SAMD4A: variants seen among roughly 807,000 people sequenced by gnomAD.
SAMD4A encodes the protein protein Smaug homolog 1.
Under a neutral mutation model 81.3 loss-of-function variants are expected in SAMD4A, and 33 were observed. The observed-to-expected ratio is 0.41, with a 90% confidence interval of 0.31 to 0.54. The LOEUF (loss-of-function observed/expected upper bound fraction) is 0.54, where lower values mean the gene tolerates loss of function less well. Ranked by LOEUF, SAMD4A falls within the 20% of genes least tolerant of loss-of-function variation. SAMD4A has a pLI of 0.37. For missense variants in SAMD4A, 854 were observed against 951.1 expected (o/e 0.90, Z 1.34); for synonymous variants, 389 against 382.1 (o/e 1.02, Z -0.21).
Position 54,630,806 on chromosome 14 carries a change from T to C in SAMD4A, c.196+62694T>C, listed in dbSNP as rs150452393. ...AGAGAAAAAGAGCCAATAGGATGTG[T>C]GTATGCATATATGTGTATATTTTAT... On this transcript the variant is annotated intron_variant, in intron 2 of 12. Coordinates refer to ENST00000554335, the MANE Select transcript of SAMD4A (RefSeq NM_015589.6). Among the ~76,000 whole-genome samples the C allele has an allele frequency of 8.7e-4, 132 of 152,224 alleles. 1 individual carries two copies. Among genetic ancestry groups the C allele is most frequent in the African/African-American group, 3.0e-3 (123 of 41,540 alleles).
intron 9 of SAMD4A, among the ~76,000 whole-genome samples, chr14:54,771,410 T>C (rs2038702655): frequency 6.6e-6 from 1 of 152,204 alleles, no homozygotes; most frequent in Non-Finnish European, 1.5e-5. Flanking sequence ...TGGCACCAGC[T>C]CCAGCTCCAT....
At chr14:54,671,776 A>C (rs1253368494) in intron 2 of SAMD4A, among the ~76,000 whole-genome samples, 1 of 152,224 alleles carries the variant, frequency 6.6e-6, no homozygotes, top group Non-Finnish European at 1.5e-5. Context: ...AGCTGCCAGC[A>C]GGCATGAAAT....
intron 2 of SAMD4A, among the ~76,000 whole-genome samples, chr14:54,682,402 G>A (rs2036149619): frequency 6.6e-6 from 1 of 152,162 alleles, no homozygotes; most frequent in African/African-American, 2.4e-5. Context: ...GTTGAACACT[G>A]GTACCAATGG....
chr14:54,634,294 G>C (rs1332960505), intron 2 of SAMD4A, among the ~76,000 whole-genome samples: 1 of 107,988 alleles, frequency 9.3e-6, no homozygotes, highest in Admixed American at 1.0e-4. Context: ...TCGGGGGGGT[G>C]GGGGGAGGGG....
Position 54,760,377 on chromosome 14 carries a change from G to A in SAMD4A, c.1393G>A (p.Ala465Thr). 2 of 1,534,386 alleles carry A rather than the reference G, an allele frequency of 1.3e-6. No homozygotes were observed. Among genetic ancestry groups the A allele is most frequent in the South Asian group, 1.2e-5 (1 of 82,332 alleles). The stretch of plus-strand genomic sequence containing the variant: ...CACTGGCGCCACGGCCACCCCCTCG[G>A]CCGGGGCCAGCGGGGGGCTCCAGCC... ...AATGATATPS[A>T]GASGGLQPHQ... Residue 465 changes from alanine to threonine, a missense_variant, in exon 7 of 13, where the codon GCC (alanine) becomes ACC (threonine). By Grantham distance (58) the Ala-to-Thr change is moderately conservative (BLOSUM62 0). Around this residue, in one of 3 missense-constraint regions of SAMD4A, gnomAD observed 428 missense variants for 471.2 expected, o/e 0.91. Transcript: ENST00000554335.
chr14:54,705,417 A>T (rs1253714551), intron 3 of SAMD4A, among the ~76,000 whole-genome samples: 2 of 152,206 alleles, frequency 1.3e-5, no homozygotes, highest in Non-Finnish European at 2.9e-5. Context: ...TGCACTGAAG[A>T]GCTACACTTC....
At chr14:54,594,628 T>C (rs1183413170) in intron 2 of SAMD4A, among the ~76,000 whole-genome samples, 2 of 152,196 alleles carry the variant, frequency 1.3e-5, no homozygotes, top group Non-Finnish European at 2.9e-5. Flanking sequence ...CAAATTTTTA[T>C]TAGTATTCAG....
chr14:54,643,453 G>T (rs1027566120), intron 2 of SAMD4A, among the ~76,000 whole-genome samples: 1 of 152,222 alleles, frequency 6.6e-6, no homozygotes, highest in Non-Finnish European at 1.5e-5. Context: ...GCAAATGTCA[G>T]TCCTTTTATG....
In SAMD4A at chr14:54,715,497, A is replaced by G. The variant is rs560424263; in HGVS notation, c.715+12917A>G. ...TCAGCATTAACTACATACTACGTGAAAAATCTAATACGGTTTTGGTCCCCC... is the reference window on the plus strand; with the variant it reads ...TCAGCATTAACTACATACTACGTGAGAAATCTAATACGGTTTTGGTCCCCC... On this transcript the variant is annotated intron_variant, in intron 3 of 12. Transcript: ENST00000554335. Among the ~76,000 whole-genome samples, 48 of 152,236 alleles carry G rather than the reference A, an allele frequency of 3.2e-4. 1 individual carries two copies. In the South Asian group the frequency reaches 8.9e-3, roughly 28 times the overall value.
At chr14:54,592,287 C>T (rs1483110866) in intron 2 of SAMD4A, among the ~76,000 whole-genome samples, 1 of 152,074 alleles carries the variant, frequency 6.6e-6, no homozygotes, top group Non-Finnish European at 1.5e-5. Context: ...CTGTGGTAAA[C>T]TTGTCTTAGT....
chr14:54,793,314 T>C (rs1005924740), downstream of SAMD4A: 2 of 152,158 alleles, frequency 1.3e-5, no homozygotes, highest in African/African-American at 2.4e-5. Context: ...TTTGTAACAC[T>C]GGTGTGTCTT....
At chr14:54,773,287 G>C (rs1024379994) in intron 9 of SAMD4A, among the ~76,000 whole-genome samples, 3 of 152,182 alleles carry the variant, frequency 2.0e-5, no homozygotes, top group African/African-American at 7.2e-5. Flanking sequence ...GGAAATGACT[G>C]TTCTGCAGGC....
chr14:54,642,045 G>C (rs1038344053), intron 2 of SAMD4A, among the ~76,000 whole-genome samples: 49 of 152,220 alleles, frequency 3.2e-4, no homozygotes, highest in African/African-American at 1.1e-3. Context: ...TGATCCACCC[G>C]TCTCGGCCTC....
At chr14:54,621,855 C>T (rs566671634) in intron 2 of SAMD4A, among the ~76,000 whole-genome samples, 44 of 152,292 alleles carry the variant, frequency 2.9e-4, no homozygotes, top group Non-Finnish European at 2.9e-4. Context: ...CAACTAGACT[C>T]ATATCTGTTA....
At chr14:54,604,542 C>T (rs950885874) in intron 2 of SAMD4A, among the ~76,000 whole-genome samples, 5 of 152,124 alleles carry the variant, frequency 3.3e-5, no homozygotes, top group African/African-American at 4.8e-5. Context: ...GTCTATGCAA[C>T]GTACAATTTT....
At chr14:54,722,932 A>G (rs1283050392) in intron 3 of SAMD4A, among the ~76,000 whole-genome samples, 1 of 152,200 alleles carries the variant, frequency 6.6e-6, no homozygotes, top group Non-Finnish European at 1.5e-5. Flanking sequence ...TTTCAATAAA[A>G]TGTCGGCATT....
At chr14:54,768,664 G>A (rs1480260022) in intron 8 of SAMD4A, among the ~76,000 whole-genome samples, 1 of 152,234 alleles carries the variant, frequency 6.6e-6, no homozygotes, top group African/African-American at 2.4e-5. Flanking sequence ...GTACTCGTGT[G>A]TAGCTGGACA....
At chr14:54,649,308 C>T (rs1050169014) in intron 2 of SAMD4A, among the ~76,000 whole-genome samples, 1 of 152,110 alleles carries the variant, frequency 6.6e-6, no homozygotes, top group Non-Finnish European at 1.5e-5. Flanking sequence ...CAAAAGTATT[C>T]AAGAGTGAGA....
At chr14:54,569,906 A>G (rs1594674603) in intron 2 of SAMD4A, among the ~76,000 whole-genome samples, 1 of 152,190 alleles carries the variant, frequency 6.6e-6, no homozygotes, top group East Asian at 1.9e-4. Context: ...AGTAAGTAAA[A>G]CAGTTAAATG....
Sources: gnomAD v4.1 joint callset for allele counts (sites outside exome capture counted in the v4.1 genomes callset) on GRCh38, gnomAD v4.1.1 for gene constraint, gnomAD v4.1.1 regional missense constraint, MANE v1.5 for transcripts, NCBI Gene and HGNC (gene_info 2026-07-23, HGNC 2026-07-21) for gene names.